HACD1: variants seen among roughly 807,000 people sequenced by gnomAD.
HACD1 encodes very-long-chain (3R)-3-hydroxyacyl-CoA dehydratase 1.
HACD1 carries 41 observed loss-of-function variants against 32.0 expected under a neutral mutation model. The observed-to-expected ratio is 1.28, with a 90% CI of 1.00 to 1.66. HACD1 has a LOEUF of 1.66. Ranked by LOEUF, HACD1 falls within the 40% of genes most tolerant of loss-of-function variation. The pLI is 0.00. For synonymous variants in HACD1, 142 were observed against 139.0 expected (o/e 1.02, Z -0.15); for missense variants, 396 against 380.1 (o/e 1.04, Z -0.35).
At chr10:17,601,372 A>T (rs771699780) in intron 4 of HACD1, among the ~76,000 whole-genome samples, 2 of 152,194 alleles carry the variant, frequency 1.3e-5, no homozygotes, top group Non-Finnish European at 2.9e-5. Context: ...TTTGCACAGC[A>T]CCAGGTGTAG....
chr10:17,601,240 G>A (rs1834066151), intron 4 of HACD1, among the ~76,000 whole-genome samples: 1 of 151,902 alleles, frequency 6.6e-6, no homozygotes, highest in African/African-American at 2.4e-5. Context: ...CACCATGTTG[G>A]CCAGGCTGGT....
intron 6 of HACD1, among the ~76,000 whole-genome samples, chr10:17,593,208 C>T (rs12769521): frequency 0.21 from 32,353 of 152,004 alleles, 4,032 homozygotes; most frequent in East Asian, 0.46. Context: ...CCTCAAGGGG[C>T]TGGCCAAGTT....
intron 1 of HACD1, among the ~76,000 whole-genome samples, chr10:17,616,285 TAAAAAGAA>T (rs1273300448): frequency 4.0e-5 from 6 of 151,716 alleles, no homozygotes; most frequent in Non-Finnish European, 7.4e-5. Context: ...AAATAAATAA[TAAAAAGAA>T]AAAAAGAAAA....
At chr10:17,597,673 G>T (rs1270546613) in intron 5 of HACD1, among the ~76,000 whole-genome samples, 1 of 151,558 alleles carries the variant, frequency 6.6e-6, no homozygotes, top group African/African-American at 2.4e-5. Flanking sequence ...TATTTTCAAA[G>T]GTGCCAGAGG....
At chr10:17,593,987 C>T (rs565277455) in intron 6 of HACD1, among the ~76,000 whole-genome samples, 2 of 152,250 alleles carry the variant, frequency 1.3e-5, no homozygotes, top group Non-Finnish European at 2.9e-5. Context: ...ATAATCCATG[C>T]GTTAATTTAC....
At chr10:17,610,256 C>T (rs540112453) in intron 1 of HACD1, among the ~76,000 whole-genome samples, 1 of 152,324 alleles carries the variant, frequency 6.6e-6, no homozygotes, top group South Asian at 2.1e-4. Flanking sequence ...AAAGATATGG[C>T]TCTTACTTAA....
At chr10:17,592,660 C>T (rs1457208918) in intron 6 of HACD1, among the ~76,000 whole-genome samples, 2 of 152,100 alleles carry the variant, frequency 1.3e-5, no homozygotes, top group Admixed American at 6.6e-5. Flanking sequence ...GAAGAGAACC[C>T]ACTGTTTGAA....
At position 17,617,360 on chromosome 10, in the gene HACD1, G is replaced by C. The variant is rs1833110201; in HGVS notation, c.-21C>G. On this transcript the variant is annotated 5_prime_UTR_variant, in exon 1 of 7. Transcript: ENST00000361271. ...CCCATGTGCAGCGCGCAGGGGGCTCGGCGCAGCCAGCTCTACCGACCGCGA... is the reference window on the plus strand; with the variant it reads ...CCCATGTGCAGCGCGCAGGGGGCTCCGCGCAGCCAGCTCTACCGACCGCGA... 3.0e-6 allele frequency: 4 copies of C among 1,341,562 alleles called. No homozygotes were observed. The highest frequency in any genetic ancestry group is 1.9e-5 in the South Asian group (1 of 53,646). The allele number at this position is 1,341,562 out of a possible 1,614,324, so 83.1% of individuals were successfully genotyped here. A position where few individuals can be genotyped will look rare whatever the true frequency, so the allele number is the denominator to read the frequency against.
In HACD1 at chr10:17,589,381, C is replaced by T. The variant is rs1833901521; in HGVS notation, c.*983G>A. 1 of 152,218 alleles carries T rather than the reference C, an allele frequency of 6.6e-6. No homozygotes were observed. Among genetic ancestry groups the T allele is most frequent in the South Asian group, 2.1e-4 (1 of 4,826 alleles). 9.4% of individuals were successfully genotyped at this position (152,218 alleles called of 1,614,324 possible). On this transcript the variant is annotated 3_prime_UTR_variant, in exon 7 of 7. Coordinates refer to ENST00000361271, the MANE Select transcript of HACD1 (RefSeq NM_014241.4). ...CATTGTAACCTTGAATTCCTGGGCT[C>T]AAGTGATCCTCCCACCTCAGCCTCC... is the stretch of plus-strand genomic sequence containing the variant.
intron 5 of HACD1, among the ~76,000 whole-genome samples, chr10:17,595,743 C>G (rs192126785): frequency 2.0e-4 from 31 of 152,036 alleles, no homozygotes; most frequent in Non-Finnish European, 3.5e-4. Context: ...GACTCAGTCA[C>G]TATATAACAG....
Position 17,590,180 on chromosome 10 carries a change from C to T in HACD1, c.*184G>A, listed in dbSNP as rs566047747. 82 of 400,252 alleles carry T rather than the reference C, an allele frequency of 2.0e-4. No individual in the cohort carries two copies. In the Middle Eastern group the frequency reaches 4.0e-3, roughly 19 times the overall value. The allele number at this position is 400,252 out of a possible 1,614,324, so 24.8% of individuals were successfully genotyped here. The stretch of plus-strand genomic sequence containing the variant: ...AAAAGTTACTGATATTTGCACAGTT[C>T]TTGTAAAAAATAGATCTGGCACAAG... On this transcript the variant is annotated 3_prime_UTR_variant, in exon 7 of 7. Coordinates refer to ENST00000361271, the MANE Select transcript of HACD1 (RefSeq NM_014241.4).
At chr10:17,596,245 A>G (rs1267533898) in intron 5 of HACD1, among the ~76,000 whole-genome samples, 4 of 152,248 alleles carry the variant, frequency 2.6e-5, no homozygotes, top group Non-Finnish European at 5.9e-5. Context: ...TTGCCAAAAT[A>G]GATGAGCTAT....
intron 3 of HACD1, 28 bp from the exon 4 acceptor site, chr10:17,603,676 G>T (rs782384408): frequency 3.1e-6 from 5 of 1,605,238 alleles, no homozygotes; most frequent in Non-Finnish European, 4.3e-6. Context: ...GTGAACTATT[G>T]CCCTAAAGGC....
intron 1 of HACD1, among the ~76,000 whole-genome samples, chr10:17,612,783 G>A (rs944620991): frequency 2.0e-5 from 3 of 151,954 alleles, no homozygotes; most frequent in Admixed American, 6.6e-5. Flanking sequence ...TTAGCCGGGC[G>A]TGGTGGCGGG....
intron 1 of HACD1, among the ~76,000 whole-genome samples, chr10:17,610,512 G>T (rs1339719647): frequency 6.6e-6 from 1 of 151,972 alleles, no homozygotes; most frequent in Non-Finnish European, 1.5e-5. Flanking sequence ...AGCCAGGTGT[G>T]GTGGCACGTG....
chr10:17,605,745 G>A (rs1007814389), intron 1 of HACD1, among the ~76,000 whole-genome samples: 5 of 151,784 alleles, frequency 3.3e-5, no homozygotes, highest in Non-Finnish European at 5.9e-5. Flanking sequence ...CCTGAGGTCC[G>A]GAGTTTGAGA....
intron 4 of HACD1, among the ~76,000 whole-genome samples, chr10:17,600,256 G>A (rs569522152): frequency 2.6e-5 from 4 of 152,092 alleles, no homozygotes; most frequent in East Asian, 3.9e-4. Context: ...AAAACATCTC[G>A]CCCTCTAGAA....
At chr10:17,612,239 C>T (rs1395197275) in intron 1 of HACD1, among the ~76,000 whole-genome samples, 1 of 152,002 alleles carries the variant, frequency 6.6e-6, no homozygotes, top group Non-Finnish European at 1.5e-5. Context: ...TCGTTAGGCG[C>T]ATGATTTAAT....
intron 3 of HACD1, 31 bp from the exon 4 acceptor site, chr10:17,603,679 C>T (rs1564508370): frequency 2.1e-5 from 33 of 1,603,920 alleles, no homozygotes; most frequent in Non-Finnish European, 2.8e-5. Flanking sequence ...AACTATTGCC[C>T]TAAAGGCAAT....
Sources: allele counts gnomAD v4.1 joint callset (sites outside exome capture counted in the v4.1 genomes callset), GRCh38; gene constraint gnomAD v4.1.1; transcripts MANE v1.5; gene names NCBI Gene and HGNC (gene_info 2026-07-23, HGNC 2026-07-21).